The following CFAP57 variants were observed in gnomAD, a reference collection of about 807,000 sequenced individuals.
CFAP57 encodes cilia- and flagella-associated protein 57.
CFAP57 carries 116 observed loss-of-function variants against 146.8 expected under a neutral mutation model. The observed-to-expected ratio is 0.79, with a 90% CI of 0.68 to 0.92. The LOEUF is 0.92. Among genes scored for constraint, CFAP57 ranks in the 40% least tolerant of loss-of-function variants. The probability of loss-of-function intolerance (pLI) is 0.00; values close to 1 mark genes in which losing one functional copy is unlikely to be tolerated. For missense variants in CFAP57, 1,377 were observed against 1,527.2 expected, an observed-to-expected ratio of 0.90 and a Z score of 1.64; for synonymous variants, 518 against 552.8, an observed-to-expected ratio of 0.94 and a Z score of 0.88.
At chr1:43,184,769 T>G (rs1246161403) in intron 4 of CFAP57, 1 of 131,506 alleles carries the variant, frequency 7.6e-6, no homozygotes, top group Non-Finnish European at 1.5e-5. Flanking sequence ...TTTTTTTTTT[T>G]GTGAGTATGT....
At chr1:43,249,534 A>G (rs1570375646) in intron 22 of CFAP57, among the ~76,000 whole-genome samples, 2 of 142,512 alleles carry the variant, frequency 1.4e-5, no homozygotes, top group African/African-American at 5.3e-5. Context: ...GGTTCAAGCA[A>G]TTCTCCTGCC....
At chr1:43,200,399 A>G in intron 9 of CFAP57, among the ~76,000 whole-genome samples, 1 of 151,542 alleles carries the variant, frequency 6.6e-6, no homozygotes, top group Non-Finnish European at 1.5e-5. Context: ...CGGTGGGAGG[A>G]TCACTTGGGC....
At chr1:43,204,378 T>C (rs1201650274) in intron 9 of CFAP57, among the ~76,000 whole-genome samples, 1 of 151,686 alleles carries the variant, frequency 6.6e-6, no homozygotes, top group Non-Finnish European at 1.5e-5. Flanking sequence ...TTTCTTTCTT[T>C]TTCTTATTGG....
At chr1:43,253,941 T>C in intron 22 of CFAP57, 36 bp from the exon 23 acceptor site, 2 of 1,532,508 alleles carry the variant, frequency 1.3e-6, no homozygotes, top group African/African-American at 2.8e-5. Flanking sequence ...AGCAGTGCAA[T>C]GGACAGGCCC....
intron 21 of CFAP57, among the ~76,000 whole-genome samples, chr1:43,242,857 A>C (rs1645977250): frequency 6.6e-6 from 1 of 151,640 alleles, no homozygotes; most frequent in South Asian, 2.1e-4. Flanking sequence ...ATAGCCATAT[A>C]ATTATATATA....
At position 43,201,841 on chromosome 1, in the gene CFAP57, C is replaced by G. The variant is rs1644138309; in HGVS notation, c.1542+2338C>G. Among the ~76,000 whole-genome samples the G allele has an allele frequency of 6.6e-6, 1 of 152,226 alleles. No homozygotes were observed. Among genetic ancestry groups the G allele is most frequent in the Non-Finnish European group, 1.5e-5 (1 of 68,042 alleles). On this transcript the variant is annotated intron_variant, in intron 9 of 22. Coordinates refer to ENST00000372492, the MANE Select transcript of CFAP57 (RefSeq NM_001378189.1). The surrounding 1 kb of genome is among the most constrained non-coding windows in gnomAD (Gnocchi z 4.4). Reference sequence around the variant, plus strand: ...TGTTGGTCAGGCTGGTCTTGAACTACTGACCTCAGGTGATCCACCCACCTC... The same window carrying G: ...TGTTGGTCAGGCTGGTCTTGAACTAGTGACCTCAGGTGATCCACCCACCTC...
chr1:43,219,531 A>G lies in CFAP57; in HGVS notation c.2241A>G (p.Lys747=). ...FIQEMESLKT[K]NQVLRTEKEK... ...AGGAAATGGAGTCCTTGAAAACAAA[A>G]AACCAGGTCTGTTTAAGAGACTGAC... The change falls in exon 13 of 23, where the codon AAA becomes AAG. Residue 747 remains lysine (K), a synonymous_variant. Coordinates refer to ENST00000372492, the MANE Select transcript of CFAP57 (RefSeq NM_001378189.1). 6.4e-7 allele frequency: 1 copy of G among 1,550,516 alleles called. No homozygotes were observed.
chr1:43,239,232 G>GTGAATGAA (rs4019214), intron 21 of CFAP57, among the ~76,000 whole-genome samples: 4 of 151,676 alleles, frequency 2.6e-5, no homozygotes, highest in Non-Finnish European at 4.4e-5. Flanking sequence ...ACATGAATAC[G>GTGAATGAA]TGAATGAATG....
In CFAP57 at chr1:43,172,538, G is replaced by A. The variant is rs867776911; in HGVS notation, c.-20+85G>A. 181 of 1,255,174 alleles carry A rather than the reference G, an allele frequency of 1.4e-4. No individual in the cohort carries two copies. The Middle Eastern group carries it at 2.2e-3, about 15-fold the overall frequency. 77.8% of individuals were successfully genotyped at this position (1,255,174 alleles called of 1,614,324 possible). On this transcript the variant is annotated intron_variant, in intron 1 of 22. Transcript: ENST00000372492. The stretch of plus-strand genomic sequence containing the variant: ...AAAGGCAGAAAAAGGAGCCGCGGGG[G>A]TGGGGTGGCGCGGAGGAGGACCCCG...
At chr1:43,248,265 A>G (rs1056344484) in intron 22 of CFAP57, among the ~76,000 whole-genome samples, 1 of 150,766 alleles carries the variant, frequency 6.6e-6, no homozygotes, top group Non-Finnish European at 1.5e-5. Flanking sequence ...ATATCTTCAT[A>G]TCCATAACTT....
intron 9 of CFAP57, among the ~76,000 whole-genome samples, chr1:43,202,681 G>A (rs1644178782): frequency 6.6e-6 from 1 of 151,916 alleles, no homozygotes; most frequent in Admixed American, 6.6e-5. Flanking sequence ...TACTCAGGAG[G>A]CTGAGACAGG....
intron 3 of CFAP57, 130 bp from the exon 4 acceptor site, chr1:43,183,461 T>TGCAGCACAAAA (rs1645501928): frequency 1.2e-6 from 1 of 835,768 alleles, no homozygotes; most frequent in Non-Finnish European, 1.9e-6. Context: ...CAGCATAAAG[T>TGCAGCACAAAA]TACATGATTT....
Position 43,234,652 on chromosome 1 carries a change from C to T in CFAP57, c.3405+14C>T. The stretch of plus-strand genomic sequence containing the variant: ...CGCATCATGCAGGTACCTGCATGCT[C>T]CCCTCAGCCCCTGTGGAGGCCAAGC... On this transcript the variant is annotated intron_variant, in intron 21 of 22. Transcript: ENST00000372492. 2.6e-6 allele frequency: 4 copies of T among 1,537,708 alleles called. No homozygotes were observed. Among genetic ancestry groups the T allele is most frequent in the Non-Finnish European group, 3.5e-6 (4 of 1,138,946 alleles).
intron 2 of CFAP57, among the ~76,000 whole-genome samples, chr1:43,174,760 G>A (rs1232591060): frequency 6.6e-6 from 1 of 152,174 alleles, no homozygotes; most frequent in Non-Finnish European, 1.5e-5. Flanking sequence ...AGGTTGTGGT[G>A]AGCCAAGATC....
At chr1:43,229,382 G>A (rs530602007) in intron 18 of CFAP57, among the ~76,000 whole-genome samples, 1 of 148,472 alleles carries the variant, frequency 6.7e-6, no homozygotes, top group Non-Finnish European at 1.5e-5. Flanking sequence ...ACCTCCTTTC[G>A]CTGGTGCCAG....
In CFAP57 at chr1:43,234,388, A is replaced by G; in HGVS notation, c.3236A>G (p.Glu1079Gly). 3 of 1,550,194 alleles carry G rather than the reference A, an allele frequency of 1.9e-6. No homozygotes were observed. The highest frequency in any genetic ancestry group is 1.7e-6 in the Non-Finnish European group (2 of 1,146,790). ...AAGGAGAAGGTTCGAGGTCTCTTTG[A>G]GAAGTACGTGCAGCGAGCAGACATG... is the stretch of plus-strand genomic sequence containing the variant. ...LLKEKVRGLF[E>G]KYVQRADMVE... The change falls in exon 20 of 23, where the codon GAG (glutamate) becomes GGG (glycine). Residue 1079 changes from glutamate to glycine, a missense_variant. Coordinates refer to ENST00000372492, the MANE Select transcript of CFAP57 (RefSeq NM_001378189.1).
At chr1:43,218,151 TGATGA>T (rs1331252623) in intron 12 of CFAP57, among the ~76,000 whole-genome samples, 3 of 152,054 alleles carry the variant, frequency 2.0e-5, no homozygotes, top group Non-Finnish European at 4.4e-5. Flanking sequence ...AGACCAGAAA[TGATGA>T]GATAGGGATG....
At chr1:43,215,184 G>A (rs4233492) in intron 11 of CFAP57, 71 bp from the exon 12 acceptor site, 1,534,951 of 1,537,268 alleles carry the variant, frequency 1, 766,350 homozygotes, top group Non-Finnish European at 1. Context: ...GAAGCCTTGC[G>A]CAACAGCTGG....
In CFAP57 at chr1:43,238,655, G is replaced by C. The variant is rs925289006; in HGVS notation, c.3405+4017G>C. 1.3e-5 allele frequency among the ~76,000 whole-genome samples: 2 copies of C among 152,120 alleles called. No homozygotes were observed. The highest frequency in any genetic ancestry group is 2.4e-5 in the African/African-American group (1 of 41,410). On this transcript the variant is annotated intron_variant, in intron 21 of 22. Coordinates refer to ENST00000372492, the MANE Select transcript of CFAP57 (RefSeq NM_001378189.1). The surrounding 1 kb of genome is among the most constrained non-coding windows in gnomAD (Gnocchi z 4.3). ...CCTCAATGTGACCTCGGGACCCCTCGGAACACAGGCCACCCCAGAAAACAT... is the reference window on the plus strand; with the variant it reads ...CCTCAATGTGACCTCGGGACCCCTCCGAACACAGGCCACCCCAGAAAACAT...
Sources: allele counts gnomAD v4.1 joint callset (sites outside exome capture counted in the v4.1 genomes callset), GRCh38; gene constraint gnomAD v4.1.1; non-coding constraint Gnocchi (gnomAD v3.1); transcripts MANE v1.5; gene names NCBI Gene and HGNC (gene_info 2026-07-23, HGNC 2026-07-21).